The following GFRA2 variants were observed in gnomAD, a reference collection of about 807,000 sequenced individuals.
GFRA2 encodes the protein GDNF family receptor alpha-2.
A neutral mutation model predicts 48.3 loss-of-function variants in GFRA2; 17 were observed. The ratio of observed to expected loss-of-function variants is 0.35; its 90% confidence interval spans 0.24 to 0.53. The LOEUF is 0.53. Ranked by LOEUF, GFRA2 falls within the 20% of genes least tolerant of loss-of-function variation. GFRA2 has a pLI of 0.93. For synonymous variants in GFRA2, 305 were observed against 257.2 expected (o/e 1.19, Z -1.78); for missense variants, 660 against 637.3 (o/e 1.04, Z -0.38).
chr8:21,693,122 G>A lies in GFRA2; in HGVS notation c.*156C>T. ...TGTTTGGTTTACAAAAACTTCTCCA[G>A]AGAAGAAACCTGGGAGGAGACAGGT... On this transcript the variant is annotated 3_prime_UTR_variant, in exon 9 of 9. Transcript: ENST00000524240. 1.6e-6 allele frequency: 1 copy of A among 636,656 alleles called. No homozygotes were observed. The allele number at this position is 636,656 out of a possible 1,614,324, so 39.4% of individuals were successfully genotyped here. A position where few individuals can be genotyped will look rare whatever the true frequency, so the allele number is the denominator to read the frequency against.
intron 4 of GFRA2, among the ~76,000 whole-genome samples, chr8:21,729,409 T>A (rs551166069): frequency 2.7e-4 from 41 of 152,132 alleles, no homozygotes; most frequent in Admixed American, 1.9e-3. Flanking sequence ...GCCCCTCCCC[T>A]CCAGGCCCAC....
intron 3 of GFRA2, among the ~76,000 whole-genome samples, chr8:21,763,768 C>A (rs1417959060): frequency 6.6e-6 from 1 of 151,862 alleles, no homozygotes; most frequent in Non-Finnish European, 1.5e-5. Context: ...CTCATCCGTC[C>A]CCCTACCCTG....
intron 4 of GFRA2, among the ~76,000 whole-genome samples, chr8:21,706,961 A>G (rs2117377072): frequency 6.6e-6 from 1 of 152,330 alleles, no homozygotes; most frequent in Non-Finnish European, 1.5e-5. Context: ...TGTTACCAAC[A>G]GCCTGGGCTG....
Position 21,810,844 on chromosome 8 carries a change from G to A in GFRA2, c.-148+1387C>T, listed in dbSNP as rs555107905. Among the ~76,000 whole-genome samples, 88 of 152,272 alleles carry A rather than the reference G, an allele frequency of 5.8e-4. 1 individual carries two copies. Among genetic ancestry groups the A allele is most frequent in the African/African-American group, 2.0e-3 (84 of 41,556 alleles). The stretch of plus-strand genomic sequence containing the variant: ...GGAACCAGACTTGGTGGGCTGCAGA[G>A]GAGCCCCCAGCAACCAAGCAACCCC... On this transcript the variant is annotated intron_variant, in intron 1 of 10. Transcript: ENST00000517328.
At chr8:21,728,039 G>C (rs1030032389) in intron 4 of GFRA2, among the ~76,000 whole-genome samples, 3 of 152,014 alleles carry the variant, frequency 2.0e-5, no homozygotes, top group African/African-American at 7.3e-5. Flanking sequence ...ACATACATTA[G>C]GCACATGTTA....
At chr8:21,758,998 T>C (rs967445389) in intron 3 of GFRA2, among the ~76,000 whole-genome samples, 1 of 152,176 alleles carries the variant, frequency 6.6e-6, no homozygotes, top group Admixed American at 6.5e-5. Context: ...ACCAACTACA[T>C]GCCAGGCCCT....
chr8:21,782,852 C>G lies in GFRA2; in HGVS notation c.88G>C (p.Glu30Gln). The G allele has an allele frequency of 6.4e-7, 1 of 1,568,546 alleles. No individual in the cohort carries two copies. The highest frequency in any genetic ancestry group is 1.3e-5 in the African/African-American group (1 of 74,412). The change falls in exon 2 of 9, where the codon GAG becomes CAG. Residue 30 changes from glutamate (E) to glutamine (Q), a missense_variant. By Grantham distance (29) the Glu-to-Gln change is conservative. Transcript: ENST00000524240. ...ACTGGGGGGCGCCAGCCGTGGAGCT[C>G]GGGGCCCTGCAGGGAGGAAGGGCTG... is the stretch of plus-strand genomic sequence containing the variant. Reference protein sequence around the residue: ...LASPSSLQGPELHGWRPPVDC... With the variant: ...LASPSSLQGPQLHGWRPPVDC...
At chr8:21,811,726 C>T (rs1807984326) in intron 1 of GFRA2, among the ~76,000 whole-genome samples, 1 of 150,336 alleles carries the variant, frequency 6.7e-6, no homozygotes, top group Non-Finnish European at 1.5e-5. Context: ...TGGAGATCTG[C>T]CCCGGTGCCC....
At chr8:21,695,311 C>T (rs978357703) in intron 7 of GFRA2, among the ~76,000 whole-genome samples, 1 of 152,178 alleles carries the variant, frequency 6.6e-6, no homozygotes, top group African/African-American at 2.4e-5. Flanking sequence ...GGATGCAGCG[C>T]TTCCATCCAG....
intron 3 of GFRA2, among the ~76,000 whole-genome samples, chr8:21,760,469 G>C (rs1467375243): frequency 6.6e-6 from 1 of 152,154 alleles, no homozygotes; most frequent in Non-Finnish European, 1.5e-5. Flanking sequence ...GAGAAATCAA[G>C]AAAACCTCTT....
intron 1 of GFRA2, among the ~76,000 whole-genome samples, chr8:21,810,304 C>T (rs1807953873): frequency 6.6e-6 from 1 of 152,188 alleles, no homozygotes; most frequent in Non-Finnish European, 1.5e-5. Context: ...TCCTTCCCCA[C>T]TCCCTCCTTA....
At chr8:21,745,317 G>A (rs1804952048) in intron 4 of GFRA2, among the ~76,000 whole-genome samples, 1 of 152,194 alleles carries the variant, frequency 6.6e-6, no homozygotes, top group Admixed American at 6.5e-5. Flanking sequence ...AGCAGGAGGA[G>A]GGACCACAGG....
In GFRA2 at chr8:21,705,152, G is replaced by C. The variant is rs756141270; in HGVS notation, c.905-27C>G. The C allele has an allele frequency of 2.5e-6, 4 of 1,597,002 alleles. No individual in the cohort carries two copies. In the South Asian group the frequency reaches 3.4e-5, roughly 14 times the overall value. ...TGGGCAGGAAGAAAGGTGGGGGAGAGGAGAGAGGTACGGTGGGGCCTTCCC... is the reference window on the plus strand; with the variant it reads ...TGGGCAGGAAGAAAGGTGGGGGAGACGAGAGAGGTACGGTGGGGCCTTCCC... On this transcript the variant is annotated intron_variant, in intron 5 of 8. Transcript: ENST00000524240.
chr8:21,757,799 A>T (rs528048842), intron 3 of GFRA2, among the ~76,000 whole-genome samples: 56 of 152,138 alleles, frequency 3.7e-4, no homozygotes, highest in Non-Finnish European at 6.6e-4. Context: ...ACCACACTGG[A>T]CCTAAATCCC....
At chr8:21,700,025 C>T (rs1802393256) in intron 7 of GFRA2, among the ~76,000 whole-genome samples, 1 of 152,134 alleles carries the variant, frequency 6.6e-6, no homozygotes, top group African/African-American at 2.4e-5. Flanking sequence ...CTGGTGTGGA[C>T]GGAATCGGAG....
Position 21,694,411 on chromosome 8 carries a change from G to GC in GFRA2, c.1272+52dup, listed in dbSNP as rs891709865. On this transcript the variant is annotated intron_variant, in intron 8 of 8. Coordinates refer to ENST00000524240, the MANE Select transcript of GFRA2 (RefSeq NM_001495.5). ...ATCTGAGGCTCGCCGGGGAAATGCC[G>GC]CCCCCCACCGGCCCAGCCTTCTGCA... The GC allele has an allele frequency of 6.2e-5, 94 of 1,527,220 alleles. 2 individuals are homozygous for GC. In the Middle Eastern group the frequency reaches 1.2e-3, roughly 19 times the overall value. 94.6% of individuals were successfully genotyped at this position (1,527,220 alleles called of 1,614,324 possible). A position where few individuals can be genotyped will look rare whatever the true frequency, so the allele number is the denominator to read the frequency against.
chr8:21,711,268 A>G (rs144089309), intron 4 of GFRA2, among the ~76,000 whole-genome samples: 94 of 152,206 alleles, frequency 6.2e-4, no homozygotes, highest in African/African-American at 2.1e-3. Flanking sequence ...TGCCTTTTAA[A>G]CCCCTTGTAA....
chr8:21,715,646 G>C (rs78156426), intron 4 of GFRA2, among the ~76,000 whole-genome samples: 1 of 151,704 alleles, frequency 6.6e-6, no homozygotes, highest in African/African-American at 2.4e-5. Context: ...GGGAAGCCAC[G>C]GCACCCCTTT....
At chr8:21,766,506 G>A (rs1230913729) in intron 3 of GFRA2, among the ~76,000 whole-genome samples, 2 of 151,724 alleles carry the variant, frequency 1.3e-5, no homozygotes, top group Non-Finnish European at 2.9e-5. Flanking sequence ...CTGAGCCTAA[G>A]CTCCCCGAGT....
Sources: allele counts gnomAD v4.1 joint callset (sites outside exome capture counted in the v4.1 genomes callset), GRCh38; gene constraint gnomAD v4.1.1; transcripts MANE v1.5; gene names NCBI Gene and HGNC (gene_info 2026-07-23, HGNC 2026-07-21).